RHEX: variants seen among roughly 807,000 people sequenced by gnomAD.
The protein encoded by RHEX is regulator of hemoglobinization and erythroid cell expansion, also known as regulator of hemoglobinization and erythroid cell expansion protein.
A neutral mutation model predicts 20.1 loss-of-function variants in RHEX; 18 were observed. The ratio of observed to expected loss-of-function variants is 0.90; its 90% CI spans 0.62 to 1.33. The LOEUF (loss-of-function observed/expected upper bound fraction) is 1.33. Ranked by LOEUF, RHEX falls within the 40% of genes most tolerant of loss-of-function variation. RHEX has a pLI of 0.00. For missense variants in RHEX, 192 were observed against 214.3 expected, an observed-to-expected ratio of 0.90 and a Z score of 0.65; for synonymous variants, 87 against 77.1, an observed-to-expected ratio of 1.13 and a Z score of -0.67.
intron 1 of RHEX, among the ~76,000 whole-genome samples, chr1:206,066,510 C>G (rs782810925): frequency 1 from 152,221 of 152,350 alleles, 76,046 homozygotes; most frequent in Middle Eastern, 1. Context: ...CCAGCTACTC[C>G]GGAGGCTGAG....
At chr1:206,093,332 C>T (rs1474748736) in intron 1 of RHEX, among the ~76,000 whole-genome samples, 1 of 151,260 alleles carries the variant, frequency 6.6e-6, no homozygotes, top group Non-Finnish European at 1.5e-5. Context: ...AGTACAGTGG[C>T]GTGATCTCAG....
rs576352008 is a variant in RHEX at position 206,102,197 on chromosome 1, G to C, written c.*245G>C. On this transcript the variant is annotated 3_prime_UTR_variant, in exon 6 of 6. Transcript: ENST00000331555. ...AAAACAAGGCTTGGCTGGGAAAACA[G>C]GCCAATGCCCCGGCAAGAAAGGTTG... 1 of 532,376 alleles carries C rather than the reference G, an allele frequency of 1.9e-6. No individual in the cohort carries two copies. Among genetic ancestry groups the C allele is most frequent in the African/African-American group, 1.9e-5 (1 of 52,882 alleles). 33.0% of individuals were successfully genotyped at this position (532,376 alleles called of 1,614,324 possible). A position where few individuals can be genotyped will look rare whatever the true frequency, so the allele number is the denominator to read the frequency against.
At chr1:206,083,315 T>C (rs1553286124) in intron 1 of RHEX, among the ~76,000 whole-genome samples, 1 of 152,176 alleles carries the variant, frequency 6.6e-6, no homozygotes, top group African/African-American at 2.4e-5. Context: ...TGGCTGCGTG[T>C]GTATTTGTGG....
At chr1:206,082,882 T>A (rs1044715717) in intron 1 of RHEX, among the ~76,000 whole-genome samples, 1 of 152,194 alleles carries the variant, frequency 6.6e-6, no homozygotes, top group Non-Finnish European at 1.5e-5. Context: ...GGTCATTTTA[T>A]CCTCCTCCCA....
At chr1:206,087,039 A>G (rs915839307) in intron 1 of RHEX, among the ~76,000 whole-genome samples, 1 of 152,172 alleles carries the variant, frequency 6.6e-6, no homozygotes, top group Non-Finnish European at 1.5e-5. Flanking sequence ...AACAGATGTC[A>G]TCCCCATTTT....
intron 1 of RHEX, among the ~76,000 whole-genome samples, chr1:206,079,506 A>G (rs1553285588): frequency 6.6e-6 from 1 of 152,204 alleles, no homozygotes; most frequent in Non-Finnish European, 1.5e-5. Flanking sequence ...GAATGACTGA[A>G]TGATGACCCA....
chr1:206,081,652 A>T (rs1427172122), intron 1 of RHEX, among the ~76,000 whole-genome samples: 1 of 152,232 alleles, frequency 6.6e-6, no homozygotes, highest in Non-Finnish European at 1.5e-5. Flanking sequence ...AAAATGCCGC[A>T]TCATTGTCCT....
intron 1 of RHEX, among the ~76,000 whole-genome samples, chr1:206,083,010 C>G (rs1300053789): frequency 2.0e-5 from 3 of 152,160 alleles, no homozygotes; most frequent in African/African-American, 7.2e-5. Context: ...TTTTGGTTGG[C>G]CTCATTTGAT....
intron 1 of RHEX, among the ~76,000 whole-genome samples, chr1:206,063,712 G>A (rs1316461725): frequency 6.6e-6 from 1 of 152,234 alleles, no homozygotes; most frequent in Non-Finnish European, 1.5e-5. Context: ...CGCCCAGGCT[G>A]GAGTGCAGTG....
chr1:206,070,036 A>G, intron 1 of RHEX, among the ~76,000 whole-genome samples: 1 of 151,546 alleles, frequency 6.6e-6, no homozygotes. Flanking sequence ...AAAAAATAGC[A>G]TTTACTATTA....
intron 2 of RHEX, 86 bp from the exon 3 acceptor site, chr1:206,097,995 C>A: frequency 8.1e-7 from 1 of 1,241,630 alleles, no homozygotes; most frequent in South Asian, 1.2e-5. Flanking sequence ...TGCCAGATGT[C>A]TGCCTCCAGC....
At chr1:206,081,920 G>T (rs1300033350) in intron 1 of RHEX, among the ~76,000 whole-genome samples, 1 of 152,190 alleles carries the variant, frequency 6.6e-6, no homozygotes, top group African/African-American at 2.4e-5. Flanking sequence ...AGCTTGAATT[G>T]ATTACTTAGT....
At chr1:206,081,352 A>G (rs1340123543) in intron 1 of RHEX, among the ~76,000 whole-genome samples, 2 of 152,236 alleles carry the variant, frequency 1.3e-5, no homozygotes, top group Non-Finnish European at 2.9e-5. Context: ...TGCTATTTAA[A>G]GCAGAGTTGT....
intron 1 of RHEX, among the ~76,000 whole-genome samples, chr1:206,093,906 T>C (rs1663011626): frequency 6.6e-6 from 1 of 152,068 alleles, no homozygotes; most frequent in Non-Finnish European, 1.5e-5. Context: ...CTCAAACTCC[T>C]GGTCTCAAGT....
At chr1:206,091,289 A>G (rs1467619281) in intron 1 of RHEX, among the ~76,000 whole-genome samples, 2 of 152,188 alleles carry the variant, frequency 1.3e-5, no homozygotes, top group African/African-American at 2.4e-5. Flanking sequence ...TAGAGATGGG[A>G]GGAACTTTCC....
intron 1 of RHEX, among the ~76,000 whole-genome samples, chr1:206,095,317 G>C (rs768112265): frequency 4.6e-5 from 7 of 152,072 alleles, no homozygotes; most frequent in Non-Finnish European, 1.0e-4. Context: ...CCTGTGGATC[G>C]CCTGGTTGGA....
chr1:206,055,216 C>T (rs541221161), intron 1 of RHEX, among the ~76,000 whole-genome samples: 34 of 152,384 alleles, frequency 2.2e-4, no homozygotes, highest in South Asian at 6.2e-4. Context: ...GTCCAGCTTC[C>T]GTCTCCCAAC....
At chr1:206,084,513 T>G (rs1033793253) in intron 1 of RHEX, among the ~76,000 whole-genome samples, 15 of 152,138 alleles carry the variant, frequency 9.9e-5, no homozygotes, top group African/African-American at 2.9e-4. Flanking sequence ...TTCTGGAGAA[T>G]TTCATTACAG....
intron 1 of RHEX, among the ~76,000 whole-genome samples, chr1:206,083,251 G>C (rs1221033360): frequency 6.6e-6 from 1 of 152,206 alleles, no homozygotes; most frequent in African/African-American, 2.4e-5. Context: ...TGCCAGAGCT[G>C]GGACTTGATC....
Sources: gnomAD v4.1 joint callset for allele counts (sites outside exome capture counted in the v4.1 genomes callset) on GRCh38, gnomAD v4.1.1 for gene constraint, MANE v1.5 for transcripts, NCBI Gene and HGNC (gene_info 2026-07-23, HGNC 2026-07-21) for gene names.